Variants in GPR39 observed in about 807,000 individuals in gnomAD.
The protein encoded by GPR39 is G protein-coupled receptor 39, also known as zinc sensing receptor.
GPR39 carries 23 observed loss-of-function variants against 18.4 expected under a neutral mutation model. That is an observed-to-expected ratio of 1.25 (90% CI 0.90 to 1.77). The LOEUF is 1.77. Ranked by LOEUF, GPR39 falls within the 40% of genes most tolerant of loss-of-function variation. The probability of loss-of-function intolerance (pLI) is 0.00; values close to 1 mark genes in which losing one functional copy is unlikely to be tolerated. For missense variants in GPR39, 647 were observed against 602.4 expected, an observed-to-expected ratio of 1.07 and a Z score of -0.78; for synonymous variants, 280 against 257.9, an observed-to-expected ratio of 1.09 and a Z score of -0.82.
At chr2:132,628,002 G>T (rs1449917393) in intron 1 of GPR39, among the ~76,000 whole-genome samples, 2 of 152,150 alleles carry the variant, frequency 1.3e-5, no homozygotes. Context: ...AGTGGCTCAG[G>T]TGTTATATTT....
At chr2:132,486,768 A>C (rs575685567) in intron 1 of GPR39, among the ~76,000 whole-genome samples, 37 of 152,322 alleles carry the variant, frequency 2.4e-4, no homozygotes, top group African/African-American at 8.2e-4. Context: ...AAAACCACTC[A>C]GACTTTCTAT....
In GPR39 at chr2:132,608,003, T is replaced by C. The variant is rs115119551; in HGVS notation, c.857-37098T>C. Among the ~76,000 whole-genome samples the C allele has an allele frequency of 8.3e-3, 1,265 of 152,272 alleles. 20 individuals carry two copies. Among genetic ancestry groups the C allele is most frequent in the African/African-American group, 0.026 (1,080 of 41,562 alleles). On this transcript the variant is annotated intron_variant, in intron 1 of 1. Coordinates refer to ENST00000329321, the MANE Select transcript of GPR39 (RefSeq NM_001508.3). ...CAATTCTCTGGTTTTGGGCCTATAATGAACCCTCTGGAGAGGGGAAATATG... is the reference window on the plus strand; with the variant it reads ...CAATTCTCTGGTTTTGGGCCTATAACGAACCCTCTGGAGAGGGGAAATATG...
At chr2:132,502,646 T>C (rs1302655662) in intron 1 of GPR39, among the ~76,000 whole-genome samples, 2 of 152,192 alleles carry the variant, frequency 1.3e-5, no homozygotes, top group Non-Finnish European at 2.9e-5. Context: ...TTTTCTCAAT[T>C]ATTCCCTCAA....
chr2:132,513,135 T>C (rs1447830143), intron 1 of GPR39, among the ~76,000 whole-genome samples: 1 of 152,074 alleles, frequency 6.6e-6, no homozygotes, highest in African/African-American at 2.4e-5. Context: ...ATGGTTGGGT[T>C]CCAGTAAGAT....
chr2:132,479,317 C>G (rs564616422), intron 1 of GPR39, among the ~76,000 whole-genome samples: 1 of 152,258 alleles, frequency 6.6e-6, no homozygotes, highest in South Asian at 2.1e-4. Context: ...AGAGCAAGCA[C>G]CAAGTGCTGA....
At chr2:132,424,875 C>G (rs1299928611) in intron 1 of GPR39, among the ~76,000 whole-genome samples, 1 of 152,170 alleles carries the variant, frequency 6.6e-6, no homozygotes, top group Non-Finnish European at 1.5e-5. Context: ...AGACCTCTGG[C>G]CCTTGGTTTC....
chr2:132,578,443 G>C (rs1230034013), intron 1 of GPR39, among the ~76,000 whole-genome samples: 1 of 152,100 alleles, frequency 6.6e-6, no homozygotes, highest in Non-Finnish European at 1.5e-5. Flanking sequence ...TAGAATTGCT[G>C]ATAGATTTTT....
chr2:132,552,794 ATATG>A (rs1402954707), intron 1 of GPR39, among the ~76,000 whole-genome samples: 15 of 108,210 alleles, frequency 1.4e-4, no homozygotes, highest in Admixed American at 9.2e-5. Context: ...CAATGTGTAT[ATATG>A]TGTGTGTGTG....
chr2:132,450,675 T>C (rs1182664630), intron 1 of GPR39, among the ~76,000 whole-genome samples: 1 of 152,180 alleles, frequency 6.6e-6, no homozygotes, highest in Non-Finnish European at 1.5e-5. Context: ...GGTGCTGAAG[T>C]GAGTGCCCTC....
In GPR39 at chr2:132,646,058, G is replaced by T. The variant is rs1180689577; in HGVS notation, c.*452G>T. On this transcript the variant is annotated 3_prime_UTR_variant, in exon 2 of 2. Transcript: ENST00000329321. ...TCTCCTTCAGCTTCAGCAGTGTGCCGAGAAGAGGGCTAATTTGAGGAACAG... is the reference window on the plus strand; with the variant it reads ...TCTCCTTCAGCTTCAGCAGTGTGCCTAGAAGAGGGCTAATTTGAGGAACAG... 6.3e-7 allele frequency: 1 copy of T among 1,576,576 alleles called. No individual in the cohort carries two copies. The highest frequency in any genetic ancestry group is 1.4e-5 in the African/African-American group (1 of 73,798).
At chr2:132,538,019 A>G (rs1396994104) in intron 1 of GPR39, among the ~76,000 whole-genome samples, 2 of 151,840 alleles carry the variant, frequency 1.3e-5, no homozygotes, top group African/African-American at 4.8e-5. Flanking sequence ...GGAGTTTGTT[A>G]TTACCCACCT....
At chr2:132,485,519 C>T (rs1285071466) in intron 1 of GPR39, among the ~76,000 whole-genome samples, 6 of 152,204 alleles carry the variant, frequency 3.9e-5, no homozygotes, top group Admixed American at 3.3e-4. Context: ...CCTCTAAAAT[C>T]CCTGCTGCTG....
At chr2:132,645,077 T>C (rs1558870240) in intron 1 of GPR39, 24 bp from the exon 2 acceptor site, 19 of 1,591,112 alleles carry the variant, frequency 1.2e-5, no homozygotes, top group Non-Finnish European at 1.6e-5. Flanking sequence ...TCTCTGTCTC[T>C]CCCTCCTGCT....
intron 1 of GPR39, among the ~76,000 whole-genome samples, chr2:132,458,078 T>TG (rs1680764737): frequency 6.6e-6 from 1 of 152,190 alleles, no homozygotes; most frequent in African/African-American, 2.4e-5. Flanking sequence ...CCTGACCCCT[T>TG]GCACATCCTG....
chr2:132,597,124 C>G (rs1329327936), intron 1 of GPR39, among the ~76,000 whole-genome samples: 2 of 152,126 alleles, frequency 1.3e-5, no homozygotes, highest in Non-Finnish European at 1.5e-5. Flanking sequence ...GGGATCTAAG[C>G]TACCCTAAAT....
Position 132,645,272 on chromosome 2 carries a change from T to C in GPR39, c.1028T>C (p.Leu343Pro). Residue 343 changes from leucine to proline, a missense_variant, in exon 2 of 2, where the codon CTG (leucine) becomes CCG (proline). Leu to Pro is a moderately conservative substitution (Grantham distance 98). Transcript: ENST00000329321. ...CTCAGCTCGGTCATCAACCCGCTCC[T>C]GTACACGGTGTCCTCGCAGCAGTTT... ...FYLSSVINPL[L>P]YTVSSQQFRR... 6.2e-7 allele frequency: 1 copy of C among 1,614,210 alleles called. No homozygotes were observed. The highest frequency in any genetic ancestry group is 8.5e-7 in the Non-Finnish European group (1 of 1,180,032).
chr2:132,566,987 C>A (rs191099000), intron 1 of GPR39, among the ~76,000 whole-genome samples: 32 of 152,228 alleles, frequency 2.1e-4, no homozygotes, highest in African/African-American at 7.2e-4. Context: ...TGAATGTTTA[C>A]CCCCTCTGAA....
At chr2:132,616,945 G>A (rs150790404) in intron 1 of GPR39, among the ~76,000 whole-genome samples, 4 of 152,178 alleles carry the variant, frequency 2.6e-5, no homozygotes, top group Non-Finnish European at 5.9e-5. Context: ...AGAAGTTTCT[G>A]TACACAAACA....
At chr2:132,492,379 T>C (rs1681489945) in intron 1 of GPR39, among the ~76,000 whole-genome samples, 1 of 139,914 alleles carries the variant, frequency 7.1e-6, no homozygotes, top group South Asian at 2.3e-4. Context: ...TATATATACA[T>C]ACCATATATA....
Sources: allele counts gnomAD v4.1 joint callset (sites outside exome capture counted in the v4.1 genomes callset), GRCh38; gene constraint gnomAD v4.1.1; transcripts MANE v1.5; gene names NCBI Gene and HGNC (gene_info 2026-07-23, HGNC 2026-07-21).